The following SLC13A4 variants were observed in gnomAD, a reference collection of about 807,000 sequenced individuals.
SLC13A4 encodes Na(+)/sulfate cotransporter SUT-1.
Under a neutral mutation model 72.7 loss-of-function variants are expected in SLC13A4, and 28 were observed. That is an observed-to-expected ratio of 0.39 (90% CI 0.29 to 0.53). The LOEUF (loss-of-function observed/expected upper bound fraction) is 0.53. Ranked by LOEUF, SLC13A4 falls within the 20% of genes least tolerant of loss-of-function variation. The pLI, the probability that SLC13A4 is intolerant of heterozygous loss-of-function variation, is 0.78. For missense variants in SLC13A4, 653 were observed against 788.0 expected (o/e 0.83, Z 2.05); for synonymous variants, 312 against 325.5 (o/e 0.96, Z 0.45).
intron 2 of SLC13A4, among the ~76,000 whole-genome samples, chr7:135,718,088 C>CACAT (rs754511549): frequency 6.7e-6 from 1 of 149,560 alleles, no homozygotes; most frequent in African/African-American, 2.5e-5. Context: ...CACACACACA[C>CACAT]GCGCGCGCGC....
chr7:135,724,364 GC>G (rs140354140), intron 1 of SLC13A4, among the ~76,000 whole-genome samples: 2,266 of 152,176 alleles, frequency 0.015, 59 homozygotes, highest in African/African-American at 0.052. Context: ...AGGTGTGGTG[GC>G]ACATGCCTGT....
Position 135,727,903 on chromosome 7 carries a change from C to T in SLC13A4, c.-407G>A, listed in dbSNP as rs1796702803. On this transcript the variant is annotated 5_prime_UTR_variant, in exon 1 of 16. It removes an upstream start codon present in the reference 5' UTR. Transcript: ENST00000682651. ...AAGAAATCATTTAAAAGCTTAAAAA[C>T]ATTAAAAACGCTCAGAGCACATTGT... 1 of 164,902 alleles carries T rather than the reference C, an allele frequency of 6.1e-6. No individual in the cohort carries two copies. The highest frequency in any genetic ancestry group is 1.3e-5 in the Non-Finnish European group (1 of 76,742). 10.2% of individuals were successfully genotyped at this position (164,902 alleles called of 1,614,324 possible).
Position 135,721,477 on chromosome 7 carries a change from A to G in SLC13A4, c.146T>C (p.Val49Ala), listed in dbSNP as rs1461497007. The G allele has an allele frequency of 3.7e-6, 6 of 1,613,960 alleles. No homozygotes were observed. In the African/African-American group the frequency reaches 4.0e-5, roughly 11 times the overall value. The change falls in exon 2 of 16, where the codon GTG becomes GCG. Residue 49 changes from valine to alanine, a missense_variant. Coordinates refer to ENST00000682651, the MANE Select transcript of SLC13A4 (RefSeq NM_001318192.2). ...AGCTCCCAGAGGCACTGCCTCCGAC[A>G]CCCAGTACACAGCAGTCACGATCAG... The part of the protein sequence containing the change: ...YVLIVTAVYW[V>A]SEAVPLGAAA...
rs552242497 is a variant in SLC13A4, at chr7:135,705,830, G to T, written c.539-180C>A. ...GGATGCAGACTGGCCCCAGGGTTTT[G>T]CAGTGATCCTTGAGCATTTGGGGGC... is the stretch of plus-strand genomic sequence containing the variant. On this transcript the variant is annotated intron_variant, in intron 4 of 15. Coordinates refer to ENST00000682651, the MANE Select transcript of SLC13A4 (RefSeq NM_001318192.2). 3.4e-5 allele frequency: 21 copies of T among 622,756 alleles called. No homozygotes were observed. The South Asian group carries it at 4.0e-4, about 12-fold the overall frequency. 38.6% of individuals were successfully genotyped at this position (622,756 alleles called of 1,614,324 possible). A position where few individuals can be genotyped will look rare whatever the true frequency, so the allele number is the denominator to read the frequency against.
chr7:135,691,333 A>G lies in SLC13A4; in HGVS notation c.1322-8T>C, dbSNP rs772633662. On this transcript the variant is annotated splice_polypyrimidine_tract_variant and splice_region_variant and intron_variant, in intron 12 of 15. Transcript: ENST00000682651. ...AGTGCTCCTGGTTCTCTCCTGGATT[A>G]GAGAGAGATGTAAAGCCAGATAAAC... 1.3e-5 allele frequency: 20 copies of G among 1,590,148 alleles called. No individual in the cohort carries two copies. Among genetic ancestry groups the G allele is most frequent in the Non-Finnish European group, 1.6e-5 (19 of 1,165,596 alleles).
At chr7:135,712,851 G>A (rs541527167) in intron 2 of SLC13A4, among the ~76,000 whole-genome samples, 2 of 152,324 alleles carry the variant, frequency 1.3e-5, no homozygotes, top group Admixed American at 1.3e-4. Flanking sequence ...GTTTTCTAGA[G>A]TGTGTTGCAG....
Position 135,681,385 on chromosome 7 carries a change from T to G in SLC13A4, c.*178A>C. On this transcript the variant is annotated 3_prime_UTR_variant, in exon 16 of 16. Coordinates refer to ENST00000682651, the MANE Select transcript of SLC13A4 (RefSeq NM_001318192.2). ...CTAACAGCGAAGCATGTGTTTGTGG[T>G]TGTTGGAGGATTCCTGCAGTTCACT... 1 of 620,684 alleles carries G rather than the reference T, an allele frequency of 1.6e-6. No individual in the cohort carries two copies. Among genetic ancestry groups the G allele is most frequent in the Non-Finnish European group, 2.6e-6 (1 of 381,768 alleles). The allele number at this position is 620,684 out of a possible 1,614,324, so 38.4% of individuals were successfully genotyped here.
chr7:135,681,825 G>T (rs751078550), intron 15 of SLC13A4, 125 bp from the exon 16 acceptor site: 3 of 1,329,922 alleles, frequency 2.3e-6, no homozygotes, highest in Non-Finnish European at 2.0e-6. Flanking sequence ...GCTGCCTGGG[G>T]TGCTCTAGCA....
At chr7:135,714,876 C>T (rs553842176) in intron 2 of SLC13A4, among the ~76,000 whole-genome samples, 25 of 152,342 alleles carry the variant, frequency 1.6e-4, no homozygotes, top group East Asian at 7.7e-4. Context: ...CCTGCCCCTG[C>T]GGGAGCTGGA....
intron 2 of SLC13A4, among the ~76,000 whole-genome samples, chr7:135,717,456 T>C (rs1332132564): frequency 1.3e-5 from 2 of 152,240 alleles, no homozygotes; most frequent in African/African-American, 4.8e-5. Context: ...AGGAGTTGTA[T>C]AAATCCTCCA....
chr7:135,685,148 C>T (rs1332460564), intron 14 of SLC13A4, among the ~76,000 whole-genome samples: 2 of 152,120 alleles, frequency 1.3e-5, no homozygotes, highest in African/African-American at 2.4e-5. Flanking sequence ...TCTGTGGCTA[C>T]CTCTTTGGCC....
intron 5 of SLC13A4, chr7:135,704,920 G>A (rs1323938716): frequency 6.6e-6 from 1 of 152,272 alleles, no homozygotes; most frequent in Non-Finnish European, 1.5e-5. Flanking sequence ...ACAGAGCTGA[G>A]CTGTATTACA....
At chr7:135,691,176 CAA>C in intron 13 of SLC13A4, 23 bp downstream of exon 13, 1 of 1,415,564 alleles carries the variant, frequency 7.1e-7, no homozygotes, top group Non-Finnish European at 9.5e-7. Context: ...AAAAAAACCC[CAA>C]AAAAACAGAA....
chr7:135,702,836 A>G lies in SLC13A4; in HGVS notation c.633+9T>C. The G allele has an allele frequency of 1.2e-6, 2 of 1,613,200 alleles. No individual in the cohort carries two copies. Among genetic ancestry groups the G allele is most frequent in the South Asian group, 1.1e-5 (1 of 91,066 alleles). The stretch of plus-strand genomic sequence containing the variant: ...GATTCCAAAGCACAGAAAAACCCCA[A>G]GGCCATACCTCGTTGTGCATCAGAG... On this transcript the variant is annotated intron_variant, in intron 6 of 15. Coordinates refer to ENST00000682651, the MANE Select transcript of SLC13A4 (RefSeq NM_001318192.2).
chr7:135,706,884 G>T (rs1425547454), intron 3 of SLC13A4, among the ~76,000 whole-genome samples: 1 of 152,202 alleles, frequency 6.6e-6, no homozygotes, highest in Non-Finnish European at 1.5e-5. Flanking sequence ...ACATCTTAAA[G>T]CGTCAACACT....
intron 2 of SLC13A4, among the ~76,000 whole-genome samples, chr7:135,720,092 G>C (rs556483947): frequency 3.9e-4 from 60 of 152,218 alleles, no homozygotes; most frequent in African/African-American, 8.9e-4. Context: ...TTAGAGGATT[G>C]CCTAATTCTA....
rs749292469 is a variant in SLC13A4, at chr7:135,708,119, C to G, written c.360G>C (p.Pro120=). The change falls in exon 3 of 16, where the codon CCG becomes CCC. Residue 120 remains proline, a synonymous_variant. Coordinates refer to ENST00000682651, the MANE Select transcript of SLC13A4 (RefSeq NM_001318192.2). ...GCATCCCAAATAAGACTTACATGCC[C>G]GGCTTGGCTCCGGCCATCAAGACCA... ...LRMVLMAGAK[P]GMLLLCFMCC... 6.2e-7 allele frequency: 1 copy of G among 1,612,992 alleles called. No homozygotes were observed. Among genetic ancestry groups the G allele is most frequent in the South Asian group, 1.1e-5 (1 of 91,038 alleles).
intron 2 of SLC13A4, among the ~76,000 whole-genome samples, chr7:135,708,969 G>A (rs1380297196): frequency 8.0e-5 from 9 of 112,572 alleles, no homozygotes; most frequent in African/African-American, 2.8e-4. Flanking sequence ...TCGCTCTGTC[G>A]CCCAGGCTGG....
intron 10 of SLC13A4, 37 bp downstream of exon 10, chr7:135,694,100 G>C: frequency 7.9e-7 from 1 of 1,260,972 alleles, no homozygotes; most frequent in Non-Finnish European, 1.2e-6. Flanking sequence ...CTGTGTTTCT[G>C]CTGGAGAAGG....
Sources: gnomAD v4.1 joint callset for allele counts (sites outside exome capture counted in the v4.1 genomes callset) on GRCh38, gnomAD v4.1.1 for gene constraint, MANE v1.5 for transcripts, NCBI Gene and HGNC (gene_info 2026-07-23, HGNC 2026-07-21) for gene names.